TLK1: variants seen among roughly 807,000 people sequenced by gnomAD.
TLK1 encodes tousled like kinase 1.
In TLK1, 24 loss-of-function variants were observed where a neutral mutation model predicts 105.3. The ratio of observed to expected loss-of-function variants is 0.23; its 90% CI spans 0.17 to 0.32. The LOEUF is 0.32. Ranked by LOEUF, TLK1 falls within the 10% of genes least tolerant of loss-of-function variation. The pLI is 1.00. For synonymous variants in TLK1, 321 were observed against 310.4 expected (o/e 1.03, Z -0.36); for missense variants, 558 against 910.5 (o/e 0.61, Z 4.98).
intron 12 of TLK1, among the ~76,000 whole-genome samples, chr2:171,020,627 G>C (rs143321078): frequency 6.6e-6 from 1 of 151,560 alleles, no homozygotes; most frequent in Admixed American, 6.6e-5. Context: ...AATTTATTTC[G>C]AATTTATCCT....
chr2:171,160,966 AGCGGCG>A (rs546390551), upstream of TLK1: 120 of 155,372 alleles, frequency 7.7e-4, no homozygotes, highest in African/African-American at 2.0e-3. This position sits in a 1 kb window ranked among gnomAD's most constrained non-coding sequence, Gnocchi z 4.4. Context: ...CGCCTCCGGT[AGCGGCG>A]GCGGCGGCGG....
intron 3 of TLK1, among the ~76,000 whole-genome samples, chr2:171,064,443 G>C (rs898513850): frequency 6.6e-6 from 1 of 152,112 alleles, no homozygotes; most frequent in Admixed American, 6.5e-5. Context: ...GAAATCCAAA[G>C]GACATCAACC....
chr2:171,119,415 T>C (rs182621577), intron 1 of TLK1, among the ~76,000 whole-genome samples: 4 of 152,342 alleles, frequency 2.6e-5, no homozygotes, highest in Admixed American at 2.0e-4. Context: ...TCTGTTTTCT[T>C]TTCAGATCTC....
Position 171,055,095 on chromosome 2 carries a change from A to G in TLK1, c.627T>C (p.Phe209=). The G allele has an allele frequency of 6.7e-7, 1 of 1,483,214 alleles. No individual in the cohort carries two copies. Among genetic ancestry groups the G allele is most frequent in the Non-Finnish European group, 8.9e-7 (1 of 1,121,514 alleles). The allele number at this position is 1,483,214 out of a possible 1,614,324, so 91.9% of individuals were successfully genotyped here. The change falls in exon 7 of 21, where the codon TTT becomes TTC. Residue 209 remains phenylalanine, a synonymous_variant. Coordinates refer to ENST00000431350, the MANE Select transcript of TLK1 (RefSeq NM_012290.5). ...AATTATCATTTACCTGAATAATTTT[A>G]AAGGATAATTGCTTTGGTTGTACAA... The part of the protein sequence containing the change: ...HPIVQPKQLS[F]KIIQTDLTML...
intron 1 of TLK1, among the ~76,000 whole-genome samples, chr2:171,217,344 A>G (rs987661204): frequency 2.0e-5 from 3 of 152,228 alleles, no homozygotes; most frequent in Non-Finnish European, 4.4e-5. Context: ...TCCACAGGTA[A>G]CTTGGGAGGT....
Position 171,223,604 on chromosome 2 carries a change from T to A in TLK1, c.-6+7541A>T, listed in dbSNP as rs192151555. Among the ~76,000 whole-genome samples the A allele has an allele frequency of 4.0e-4, 60 of 151,074 alleles. 2 individuals are homozygous for A. The highest frequency in any genetic ancestry group is 1.4e-3 in the African/African-American group (57 of 41,122). ...AAGCGATTCTCCTGCCTCAGCCTCC[T>A]GAGTAGCTGGGATTATAGGTGCTCA... is the stretch of plus-strand genomic sequence containing the variant. On this transcript the variant is annotated intron_variant, in intron 1 of 20. Coordinates refer to the TLK1 transcript ENST00000521943.
intron 1 of TLK1, chr2:171,154,614 G>C (rs1175066964): frequency 6.6e-6 from 1 of 152,220 alleles, no homozygotes; most frequent in Non-Finnish European, 1.5e-5. Context: ...AGGTCACACA[G>C]CTAGTTAATA....
intron 1 of TLK1, among the ~76,000 whole-genome samples, chr2:171,142,336 G>T (rs1398201986): frequency 1.3e-5 from 2 of 152,128 alleles, no homozygotes; most frequent in Admixed American, 6.5e-5. Context: ...TGTACTACAT[G>T]TTCCAATTAA....
intron 2 of TLK1, among the ~76,000 whole-genome samples, chr2:171,101,867 T>C (rs1689708925): frequency 2.0e-5 from 3 of 152,180 alleles, no homozygotes; most frequent in African/African-American, 7.2e-5. Flanking sequence ...ATAAGAGGAA[T>C]TTCAATCATT....
chr2:171,060,418 C>T (rs1358159637), intron 4 of TLK1, among the ~76,000 whole-genome samples: 1 of 152,168 alleles, frequency 6.6e-6, no homozygotes, highest in Non-Finnish European at 1.5e-5. Flanking sequence ...ACATTCCTTG[C>T]TTCCAGTGCC....
intron 2 of TLK1, among the ~76,000 whole-genome samples, chr2:171,103,282 A>ATATATATAT (rs55949414): frequency 2.7e-5 from 4 of 147,880 alleles, no homozygotes; most frequent in African/African-American, 1.0e-4. Context: ...ATATATATAT[A>ATATATATAT]ATTTTTTTTG....
chr2:171,152,373 TAATTC>T (rs1311278213), intron 1 of TLK1, among the ~76,000 whole-genome samples: 1 of 152,178 alleles, frequency 6.6e-6, no homozygotes, highest in African/African-American at 2.4e-5. Flanking sequence ...TGGAAAAATT[TAATTC>T]AAGTTTGACA....
intron 1 of TLK1, among the ~76,000 whole-genome samples, chr2:171,204,819 G>C (rs559631120): frequency 9.8e-4 from 149 of 152,156 alleles, no homozygotes; most frequent in Middle Eastern, 3.4e-3. Flanking sequence ...TTAGCTGGGC[G>C]TGGTGGCCGG....
At chr2:171,125,790 G>A (rs752595845) in intron 1 of TLK1, among the ~76,000 whole-genome samples, 4 of 152,192 alleles carry the variant, frequency 2.6e-5, no homozygotes, top group South Asian at 2.1e-4. Context: ...GTTCTTTAGC[G>A]GTGATTTCTG....
At chr2:171,082,721 T>A (rs1338406661) in intron 3 of TLK1, 60 bp downstream of exon 3, 1 of 1,314,594 alleles carries the variant, frequency 7.6e-7, no homozygotes, top group African/African-American at 1.5e-5. Flanking sequence ...AAAATACTAA[T>A]TAAAACGGTG....
chr2:171,028,405 C>G lies in TLK1; in HGVS notation c.1170G>C (p.Leu390=). 1 of 1,602,032 alleles carries G rather than the reference C, an allele frequency of 6.2e-7. No individual in the cohort carries two copies. The highest frequency in any genetic ancestry group is 1.1e-5 in the South Asian group (1 of 90,174). The change falls in exon 12 of 21, where the codon CTG becomes CTC. Residue 390 remains leucine, a splice_region_variant and synonymous_variant. Coordinates refer to ENST00000431350, the MANE Select transcript of TLK1 (RefSeq NM_012290.5). ...DPFVRPNLPQ[L]LTLAEYHEQE... ...GTTCATGATATTCTGCCAAAGTCAA[C>G]CTGTCAAAAATGAAATTTTAATTCT... is the stretch of plus-strand genomic sequence containing the variant.
intron 11 of TLK1, among the ~76,000 whole-genome samples, chr2:171,029,809 C>T (rs555481511): frequency 6.0e-4 from 92 of 152,200 alleles, no homozygotes; most frequent in African/African-American, 1.9e-3. Context: ...GCAGTGGCCA[C>T]GATCTCAGCT....
rs142720641 is a variant in TLK1 at position 171,117,914 on chromosome 2, TAC to T, written c.140-59_140-58del. ...TATATATGTGTGTATACTTTATACT[TAC>T]ACACACAAATATATATATGTGATTA... is the stretch of plus-strand genomic sequence containing the variant. On this transcript the variant is annotated intron_variant, in intron 1 of 20. Transcript: ENST00000431350. The T allele has an allele frequency of 3.3e-6, 4 of 1,202,672 alleles. No homozygotes were observed. In the African/African-American group the frequency reaches 6.2e-5, roughly 19 times the overall value. The allele number at this position is 1,202,672 out of a possible 1,614,324, so 74.5% of individuals were successfully genotyped here.
intron 2 of TLK1, among the ~76,000 whole-genome samples, chr2:171,092,448 G>A (rs926835443): frequency 1.3e-5 from 2 of 152,198 alleles, no homozygotes; most frequent in African/African-American, 2.4e-5. Context: ...GCTCTCTGTA[G>A]TTGTCAATTA....
Sources: gnomAD v4.1 joint callset for allele counts (sites outside exome capture counted in the v4.1 genomes callset) on GRCh38, gnomAD v4.1.1 for gene constraint, Gnocchi (gnomAD v3.1) non-coding constraint, MANE v1.5 for transcripts, NCBI Gene and HGNC (gene_info 2026-07-23, HGNC 2026-07-21) for gene names.